YWHAG: variants seen among roughly 807,000 people sequenced by gnomAD.
YWHAG encodes tyrosine 3-monooxygenase/tryptophan 5-monooxygenase activation protein gamma.
A neutral mutation model predicts 23.3 loss-of-function variants in YWHAG; 1 was observed. The ratio of observed to expected loss-of-function variants is 0.04; its 90% CI spans 0.02 to 0.20. The LOEUF (loss-of-function observed/expected upper bound fraction) is 0.20. Ranked by LOEUF, YWHAG falls within the 10% of genes least tolerant of loss-of-function variation. YWHAG has a pLI of 1.00. For missense variants in YWHAG, 151 were observed against 338.6 expected (o/e 0.45, Z 4.35); for synonymous variants, 160 against 144.0 (o/e 1.11, Z -0.80).
chr7:76,341,184 G>T (rs538511919), intron 1 of YWHAG, among the ~76,000 whole-genome samples: 1 of 152,130 alleles, frequency 6.6e-6, no homozygotes, highest in African/African-American at 2.4e-5. Flanking sequence ...CTTGAGGTCA[G>T]GAGTTTGAGA....
chr7:76,338,961 T>C (rs182468365), intron 1 of YWHAG, among the ~76,000 whole-genome samples: 42 of 152,340 alleles, frequency 2.8e-4, no homozygotes, highest in African/African-American at 8.7e-4. Context: ...AGGTTGAATT[T>C]TGTACCGATG....
rs539395592 is a variant in YWHAG at position 76,358,110 on chromosome 7, G to A, written c.87+612C>T. Among the ~76,000 whole-genome samples the A allele has an allele frequency of 2.6e-5, 4 of 152,322 alleles. No individual in the cohort carries two copies. The South Asian group carries it at 8.3e-4, about 32-fold the overall frequency. ...GCGAATGGAGAAAGAAGAGCCTTTT[G>A]TTAAGAAAAACGTGAGCAAGGTGGT... On this transcript the variant is annotated intron_variant, in intron 1 of 1. Transcript: ENST00000307630.
chr7:76,337,642 C>G (rs1361523763), intron 1 of YWHAG, among the ~76,000 whole-genome samples: 1 of 150,984 alleles, frequency 6.6e-6, no homozygotes, highest in Non-Finnish European at 1.5e-5. Flanking sequence ...TCAAGTGATT[C>G]TCCTGCCTCA....
At position 76,334,956 on chromosome 7, in the gene YWHAG, T is replaced by C. The variant is rs372692175; in HGVS notation, c.88-4723A>G. Among the ~76,000 whole-genome samples, 5 of 152,350 alleles carry C rather than the reference T, an allele frequency of 3.3e-5. No homozygotes were observed. The East Asian group carries it at 7.7e-4, about 23-fold the overall frequency. On this transcript the variant is annotated intron_variant, in intron 1 of 1. Transcript: ENST00000307630. ...TTACTGTCATGGCTGTTGGAAAATG[T>C]AGAAAGTTTCAGTTTTTATTCCCCA...
At chr7:76,340,805 T>C (rs1308700177) in intron 1 of YWHAG, among the ~76,000 whole-genome samples, 2 of 152,202 alleles carry the variant, frequency 1.3e-5, no homozygotes, top group Admixed American at 1.3e-4. Context: ...TCTCAAAATG[T>C]TTTGTTAGCA....
At chr7:76,339,221 G>GTGTAATCCTCC (rs142158671) in intron 1 of YWHAG, among the ~76,000 whole-genome samples, 45,389 of 151,990 alleles carry the variant, frequency 0.3, 6,924 homozygotes, top group East Asian at 0.44. Flanking sequence ...TGTAATCCCA[G>GTGTAATCCTCC]CACTTTGGGA....
At chr7:76,341,823 G>C (rs1318871777) in intron 1 of YWHAG, among the ~76,000 whole-genome samples, 1 of 152,166 alleles carries the variant, frequency 6.6e-6, no homozygotes, top group Non-Finnish European at 1.5e-5. Context: ...GGTTATGCAA[G>C]TCTGAACATA....
chr7:76,339,860 G>C (rs566831461), intron 1 of YWHAG, among the ~76,000 whole-genome samples: 1 of 152,050 alleles, frequency 6.6e-6, no homozygotes, highest in South Asian at 2.1e-4. Context: ...AGGCCAAGGC[G>C]GGTGAATTGC....
chr7:76,356,605 G>C lies in YWHAG; in HGVS notation c.87+2117C>G. On this transcript the variant is annotated intron_variant, in intron 1 of 1. Transcript: ENST00000307630. Reference sequence around the variant, plus strand: ...GTATACATCCCATCTGTGCACTAGTGTCATAAACTATATTCTTGTTTAAAA... The same window carrying C: ...GTATACATCCCATCTGTGCACTAGTCTCATAAACTATATTCTTGTTTAAAA... 1.3e-5 allele frequency among the ~76,000 whole-genome samples: 2 copies of C among 152,106 alleles called. 1 individual carries two copies. The highest frequency in any genetic ancestry group is 3.8e-4 in the East Asian group (2 of 5,196).
At chr7:76,335,963 C>G (rs942455934) in intron 1 of YWHAG, among the ~76,000 whole-genome samples, 1 of 151,878 alleles carries the variant, frequency 6.6e-6, no homozygotes, top group Non-Finnish European at 1.5e-5. Flanking sequence ...CACCACACCC[C>G]CCAAAAAAAA....
intron 1 of YWHAG, among the ~76,000 whole-genome samples, chr7:76,350,260 T>C (rs1326353768): frequency 6.6e-6 from 1 of 152,202 alleles, no homozygotes; most frequent in Non-Finnish European, 1.5e-5. Flanking sequence ...TTTTCCTTCC[T>C]AGAGGACAAA....
At chr7:76,358,606 G>A (rs1804000582) in intron 1 of YWHAG, 116 bp downstream of exon 1, 5 of 1,049,218 alleles carry the variant, frequency 4.8e-6, no homozygotes, top group Non-Finnish European at 6.7e-6. Flanking sequence ...CTCAGTGAGC[G>A]AGACGGGGCG....
Position 76,328,123 on chromosome 7 carries a change from G to A in YWHAG, c.*1454C>T, listed in dbSNP as rs1038815838. 2 of 152,072 alleles carry A rather than the reference G, an allele frequency of 1.3e-5. No homozygotes were observed. Among genetic ancestry groups the A allele is most frequent in the Admixed American group, 6.6e-5 (1 of 15,264 alleles). 9.4% of individuals were successfully genotyped at this position (152,072 alleles called of 1,614,324 possible). A position where few individuals can be genotyped will look rare whatever the true frequency, so the allele number is the denominator to read the frequency against. ...AAAAAAGAATGCACATGCGGGCCAC[G>A]TTCACAGATAGACAGATTCACCCGA... On this transcript the variant is annotated 3_prime_UTR_variant, in exon 2 of 2. Transcript: ENST00000307630.
Position 76,358,730 on chromosome 7 carries a change from T to C in YWHAG, c.79A>G (p.Met27Val). ...AERYDDMAAA[M>V]KNVTELNEPL... is the part of the protein sequence containing the mutation. ...GGGGAGGAGACACTCACGTTCTTCA[T>C]GGCCGCGGCCATGTCGTCGTAGCGC... is the stretch of plus-strand genomic sequence containing the variant. Residue 27 changes from methionine to valine, a missense_variant, in exon 1 of 2, where the codon ATG becomes GTG. Transcript: ENST00000307630. The C allele has an allele frequency of 1.3e-6, 2 of 1,591,006 alleles. No individual in the cohort carries two copies. The highest frequency in any genetic ancestry group is 1.7e-6 in the Non-Finnish European group (2 of 1,170,202).
At position 76,330,213 on chromosome 7, in the gene YWHAG, T is replaced by A. The variant is rs1177306528; in HGVS notation, c.108A>T (p.Pro36=). ...GAAGGTTTCGTTCCTCATTCGACAG[T>A]GGCTCATTCAGCTCTGTCACCTGCC... ...AMKNVTELNE[P]LSNEERNLLS... The change falls in exon 2 of 2, where the codon CCA becomes CCT. Residue 36 remains proline (P), a synonymous_variant. Transcript: ENST00000307630. The A allele has an allele frequency of 1.9e-6, 3 of 1,610,626 alleles. No individual in the cohort carries two copies. Among genetic ancestry groups the A allele is most frequent in the Admixed American group, 3.3e-5 (2 of 59,884 alleles).
At chr7:76,337,098 C>A (rs1422200124) in intron 1 of YWHAG, among the ~76,000 whole-genome samples, 1 of 152,172 alleles carries the variant, frequency 6.6e-6, no homozygotes, top group African/African-American at 2.4e-5. Context: ...TCTGAAATAA[C>A]ACGCCTCAAA....
At chr7:76,330,275 G>T (rs760330709) in intron 1 of YWHAG, 42 bp from the exon 2 acceptor site, 13 of 1,575,198 alleles carry the variant, frequency 8.3e-6, no homozygotes, top group Non-Finnish European at 1.1e-5. Flanking sequence ...TACAGATGGT[G>T]TCCACTGGGT....
rs201465937 is a variant in YWHAG, at chr7:76,358,731, G to A, written c.78C>T (p.Ala26=). The A allele has an allele frequency of 1.3e-6, 2 of 1,591,150 alleles. No individual in the cohort carries two copies. Among genetic ancestry groups the A allele is most frequent in the African/African-American group, 1.4e-5 (1 of 72,854 alleles). Residue 26 remains alanine (A), a synonymous_variant, in exon 1 of 2, where the codon GCC becomes GCT. Coordinates refer to ENST00000307630, the MANE Select transcript of YWHAG (RefSeq NM_012479.4). ...GGGAGGAGACACTCACGTTCTTCAT[G>A]GCCGCGGCCATGTCGTCGTAGCGCT... ...QAERYDDMAA[A]MKNVTELNEP... is the part of the protein sequence containing the mutation.
intron 1 of YWHAG, among the ~76,000 whole-genome samples, chr7:76,331,790 G>A (rs1442344881): frequency 6.6e-6 from 1 of 151,716 alleles, no homozygotes; most frequent in African/African-American, 2.4e-5. Context: ...GACTGCTTGA[G>A]GCCAGGAGTT....
Sources: gnomAD v4.1 joint callset for allele counts (sites outside exome capture counted in the v4.1 genomes callset) on GRCh38, gnomAD v4.1.1 for gene constraint, MANE v1.5 for transcripts, NCBI Gene and HGNC (gene_info 2026-07-23, HGNC 2026-07-21) for gene names.